The following DOCK2 variants were observed in gnomAD, a reference collection of about 807,000 sequenced individuals.
The protein encoded by DOCK2 is dedicator of cytokinesis 2, also known as dedicator of cytokinesis protein 2.
A neutral mutation model predicts 248.9 loss-of-function variants in DOCK2; 87 were observed. The observed-to-expected ratio is 0.35, with a 90% CI of 0.29 to 0.42. The LOEUF is 0.42. Among genes scored for constraint, DOCK2 ranks in the 10% least tolerant of loss-of-function variants. The pLI, the probability that DOCK2 is intolerant of heterozygous loss-of-function variation, is 1.00. For missense variants in DOCK2, 1,747 were observed against 2,300.2 expected (o/e 0.76, Z 4.92); for synonymous variants, 805 against 821.6 (o/e 0.98, Z 0.35).
intron 30 of DOCK2, among the ~76,000 whole-genome samples, chr5:170,003,611 T>G (rs1164556791): frequency 6.6e-6 from 1 of 152,132 alleles, no homozygotes; most frequent in East Asian, 1.9e-4. Context: ...CCACAGTGAG[T>G]GAAGCCATGG....
intron 22 of DOCK2, among the ~76,000 whole-genome samples, chr5:169,744,636 CAG>C (rs1361948842): frequency 6.6e-6 from 1 of 151,986 alleles, no homozygotes; most frequent in Non-Finnish European, 1.5e-5. Context: ...TAATGAGACA[CAG>C]AGAAGTTGGG....
At chr5:169,770,824 T>G (rs1415521984) in intron 25 of DOCK2, among the ~76,000 whole-genome samples, 1 of 152,250 alleles carries the variant, frequency 6.6e-6, no homozygotes, top group Admixed American at 6.5e-5. Context: ...TTCCATTGTG[T>G]GAATAAGCCA....
At chr5:169,660,930 A>G (rs756526910) in intron 2 of DOCK2, among the ~76,000 whole-genome samples, 7 of 151,916 alleles carry the variant, frequency 4.6e-5, no homozygotes, top group Non-Finnish European at 8.8e-5. Context: ...CGGCATGTCT[A>G]TTTGCTTTGT....
chr5:170,034,190 C>T lies in DOCK2; in HGVS notation c.3468-209C>T, dbSNP rs140292363. Among the ~76,000 whole-genome samples, 238 of 151,246 alleles carry T rather than the reference C, an allele frequency of 1.6e-3. 1 individual carries two copies. The highest frequency in any genetic ancestry group is 6.8e-3 in the Middle Eastern group (2 of 294). On this transcript the variant is annotated intron_variant, in intron 34 of 51. Transcript: ENST00000520908. The stretch of plus-strand genomic sequence containing the variant: ...CCACCATCATTATCTATATTGGAAA[C>T]TATTTTATTTTTATTTTTTCCCATT...
intron 3 of DOCK2, among the ~76,000 whole-genome samples, chr5:169,669,721 G>T (rs540521468): frequency 3.9e-5 from 6 of 152,294 alleles, no homozygotes; most frequent in African/African-American, 1.4e-4. Context: ...GGACAGGCCT[G>T]ATTTCTACTT....
intron 33 of DOCK2, among the ~76,000 whole-genome samples, chr5:170,027,636 C>T (rs1755966457): frequency 6.7e-6 from 1 of 149,538 alleles, no homozygotes; most frequent in South Asian, 2.1e-4. Context: ...CTCGCACGTG[C>T]TCTCTCTCTC....
intron 31 of DOCK2, 23 bp downstream of exon 31, chr5:170,008,620 C>T: frequency 1.9e-6 from 3 of 1,614,016 alleles, no homozygotes; most frequent in Non-Finnish European, 2.5e-6. Flanking sequence ...TTTGGATTTC[C>T]TGAAGAGGGG....
At chr5:169,773,415 T>C (rs536669128) in intron 25 of DOCK2, among the ~76,000 whole-genome samples, 2 of 151,982 alleles carry the variant, frequency 1.3e-5, no homozygotes, top group Non-Finnish European at 2.9e-5. Flanking sequence ...GATCACTTCT[T>C]TAATAGCAAT....
intron 29 of DOCK2, 136 bp downstream of exon 29, chr5:169,986,058 T>G (rs1778060926): frequency 1.3e-6 from 1 of 793,268 alleles, no homozygotes; most frequent in African/African-American, 1.7e-5. Flanking sequence ...TCTTTCTATC[T>G]TTAAACCCAG....
At chr5:169,886,891 TGCATTGATTATGTGCCAG>T (rs1773003069) in intron 27 of DOCK2, among the ~76,000 whole-genome samples, 1 of 152,254 alleles carries the variant, frequency 6.6e-6, no homozygotes, top group Admixed American at 6.5e-5. Flanking sequence ...TAATGTCTAG[TGCATTGATTATGTGCCAG>T]GCATTGTGAT....
chr5:170,044,961 G>A (rs960837838), intron 38 of DOCK2, among the ~76,000 whole-genome samples: 13 of 151,974 alleles, frequency 8.6e-5, no homozygotes, highest in African/African-American at 2.7e-4. Context: ...GACCTCCTTC[G>A]GTCTAAGAGA....
rs261584 is a variant in DOCK2, at chr5:169,781,099, G to T, written c.2554+19474G>T. ...CTTGGACAGGATGCCATTCCGTCAC[G>T]AGGTGCACTCACACACCTATGCTCA... On this transcript the variant is annotated intron_variant, in intron 25 of 51. Transcript: ENST00000520908. 8.5e-3 allele frequency among the ~76,000 whole-genome samples: 1,300 copies of T among 152,262 alleles called. 22 individuals carry two copies. Among genetic ancestry groups the T allele is most frequent in the African/African-American group, 0.03 (1,231 of 41,548 alleles).
chr5:170,061,313 T>C (rs543854404), intron 44 of DOCK2, among the ~76,000 whole-genome samples: 1 of 152,350 alleles, frequency 6.6e-6, no homozygotes, highest in Admixed American at 6.5e-5. Flanking sequence ...AAGCTTGATT[T>C]ACGTGTAGTA....
chr5:169,845,535 T>G (rs770552315), intron 27 of DOCK2, among the ~76,000 whole-genome samples: 1 of 152,178 alleles, frequency 6.6e-6, no homozygotes, highest in Non-Finnish European at 1.5e-5. Flanking sequence ...AGTGAATAAG[T>G]GAAATAATCC....
At chr5:169,774,995 G>A (rs11134589) in intron 25 of DOCK2, among the ~76,000 whole-genome samples, 47,598 of 151,914 alleles carry the variant, frequency 0.31, 8,950 homozygotes, top group Middle Eastern at 0.42. Flanking sequence ...CGCAGCCTCC[G>A]CTTCCCAGGT....
At chr5:170,031,071 C>T (rs546054313) in intron 34 of DOCK2, among the ~76,000 whole-genome samples, 22 of 152,366 alleles carry the variant, frequency 1.4e-4, no homozygotes, top group African/African-American at 3.6e-4. Flanking sequence ...TTGGAGCCCA[C>T]GCTCATTGAT....
In DOCK2 at chr5:169,801,146, GT is replaced by G. The variant is rs60574755; in HGVS notation, c.2555-1877del. Among the ~76,000 whole-genome samples, 140 of 75,932 alleles carry G rather than the reference GT, an allele frequency of 1.8e-3. 1 individual carries two copies. Among genetic ancestry groups the G allele is most frequent in the African/African-American group, 4.3e-3 (115 of 27,020 alleles). The allele number at this position is 75,932 out of a possible 152,430, so 49.8% of individuals were successfully genotyped here. A position where few individuals can be genotyped will look rare whatever the true frequency, so the allele number is the denominator to read the frequency against. On this transcript the variant is annotated intron_variant, in intron 25 of 51. Transcript: ENST00000520908. Reference sequence around the variant, plus strand: ...TGCCACCATGCCCAGATAGTTTTGGGTTTTTTTTTTTTTTTTTTTTTTTTTT... The same window carrying G: ...TGCCACCATGCCCAGATAGTTTTGGGTTTTTTTTTTTTTTTTTTTTTTTTT...
chr5:169,984,131 A>T (rs769814490), intron 28 of DOCK2, among the ~76,000 whole-genome samples: 3 of 152,216 alleles, frequency 2.0e-5, no homozygotes, highest in Non-Finnish European at 4.4e-5. Flanking sequence ...GGAAATTAGG[A>T]GTCACATTTC....
intron 25 of DOCK2, among the ~76,000 whole-genome samples, chr5:169,770,109 A>G (rs1048813663): frequency 1.3e-5 from 2 of 152,026 alleles, no homozygotes; most frequent in Admixed American, 6.6e-5. Flanking sequence ...TTCAAAATAC[A>G]TCTTATTATT....
Sources: gnomAD v4.1 joint callset for allele counts (sites outside exome capture counted in the v4.1 genomes callset) on GRCh38, gnomAD v4.1.1 for gene constraint, MANE v1.5 for transcripts, NCBI Gene and HGNC (gene_info 2026-07-23, HGNC 2026-07-21) for gene names.